WWP2: variants seen among roughly 807,000 people sequenced by gnomAD.
WWP2 encodes WW domain containing E3 ubiquitin protein ligase 2.
Under a neutral mutation model 121.0 loss-of-function variants are expected in WWP2, and 57 were observed. The ratio of observed to expected loss-of-function variants is 0.47; its 90% CI spans 0.38 to 0.59. WWP2 has a LOEUF of 0.59. Ranked by LOEUF, WWP2 falls within the 20% of genes least tolerant of loss-of-function variation. The probability of loss-of-function intolerance (pLI) is 0.00; values close to 1 mark genes in which losing one functional copy is unlikely to be tolerated. For synonymous variants in WWP2, 449 were observed against 441.3 expected (o/e 1.02, Z -0.22); for missense variants, 962 against 1,158.9 (o/e 0.83, Z 2.47).
chr16:69,797,687 G>C (rs1485253827), intron 2 of WWP2, among the ~76,000 whole-genome samples: 1 of 151,536 alleles, frequency 6.6e-6, no homozygotes, highest in Non-Finnish European at 1.5e-5. Context: ...TCAGGAGTTT[G>C]AGACCAGCCT....
rs1252715272 is a variant in WWP2, at chr16:69,930,274, A to G, written c.1445+16A>G. On this transcript the variant is annotated intron_variant, in intron 13 of 23. Transcript: ENST00000359154. ...TTGAGTCGGGGTAAGGACTTTGTGC[A>G]GGTAGCAGCAGTGTCAGGAGCCGAG... 1 of 1,611,828 alleles carries G rather than the reference A, an allele frequency of 6.2e-7. No individual in the cohort carries two copies. The highest frequency in any genetic ancestry group is 8.5e-7 in the Non-Finnish European group (1 of 1,178,866).
chr16:69,880,884 C>A (rs189053703), intron 7 of WWP2, among the ~76,000 whole-genome samples: 1 of 152,308 alleles, frequency 6.6e-6, no homozygotes, highest in Admixed American at 6.5e-5. Context: ...GAGTGTCCAC[C>A]ACGAGTCTGT....
At chr16:69,769,316 CAAAAAAAA>C (rs1186524809) in intron 1 of WWP2, among the ~76,000 whole-genome samples, 1 of 76,400 alleles carries the variant, frequency 1.3e-5, no homozygotes, top group Non-Finnish European at 2.6e-5. Flanking sequence ...GACTCCATCT[CAAAAAAAA>C]AAAAAAAAAA....
chr16:69,844,313 G>A (rs185287856), intron 6 of WWP2, among the ~76,000 whole-genome samples: 51 of 152,324 alleles, frequency 3.3e-4, no homozygotes, highest in African/African-American at 1.2e-3. Context: ...AGCTAGAACA[G>A]CGGTGGGCGA....
At chr16:69,860,722 A>C (rs1217795842) in intron 6 of WWP2, among the ~76,000 whole-genome samples, 1 of 151,936 alleles carries the variant, frequency 6.6e-6, no homozygotes, top group Non-Finnish European at 1.5e-5. Flanking sequence ...CTTAGAAATA[A>C]TGCTCTACCC....
chr16:69,835,559 C>T (rs1381363949), intron 4 of WWP2, among the ~76,000 whole-genome samples: 1 of 152,124 alleles, frequency 6.6e-6, no homozygotes, highest in Non-Finnish European at 1.5e-5. Context: ...TGCCATCCAC[C>T]TATTTCTGGC....
In WWP2 at chr16:69,937,302, C is replaced by A; in HGVS notation, c.2238+64C>A. On this transcript the variant is annotated intron_variant, in intron 20 of 23. Transcript: ENST00000359154. The surrounding 1 kb of genome is among the most constrained non-coding windows in gnomAD (Gnocchi z 6.6). Reference sequence around the variant, plus strand: ...TCTGGGGCGATCCTGCTCTGTGATACGCTCACTGTGTACCCACAGACACTC... The same window carrying A: ...TCTGGGGCGATCCTGCTCTGTGATAAGCTCACTGTGTACCCACAGACACTC... The A allele has an allele frequency of 6.3e-7, 1 of 1,592,044 alleles. No individual in the cohort carries two copies. The highest frequency in any genetic ancestry group is 8.6e-7 in the Non-Finnish European group (1 of 1,168,892).
At chr16:69,918,015 G>A in intron 10 of WWP2, 132 bp downstream of exon 10, 1 of 1,203,866 alleles carries the variant, frequency 8.3e-7, no homozygotes, top group Non-Finnish European at 1.1e-6. Context: ...CTCTGCCCCT[G>A]GAGATTTTAC....
At chr16:69,806,853 G>A (rs964691241) in intron 4 of WWP2, among the ~76,000 whole-genome samples, 1 of 151,476 alleles carries the variant, frequency 6.6e-6, no homozygotes, top group Non-Finnish European at 1.5e-5. Context: ...ACAACTTCTT[G>A]GATTTGTCAG....
intron 7 of WWP2, among the ~76,000 whole-genome samples, chr16:69,879,776 C>T (rs2057793279): frequency 6.6e-6 from 1 of 152,056 alleles, no homozygotes. Context: ...ACATGTCATG[C>T]CCATGCTAAT....
intron 7 of WWP2, among the ~76,000 whole-genome samples, chr16:69,887,815 G>A (rs2057951893): frequency 6.6e-6 from 1 of 152,190 alleles, no homozygotes; most frequent in African/African-American, 2.4e-5. Context: ...AAAAAAGGTA[G>A]TGTTAATATA....
intron 6 of WWP2, among the ~76,000 whole-genome samples, chr16:69,860,203 A>C (rs893137604): frequency 6.6e-6 from 1 of 152,094 alleles, no homozygotes; most frequent in Non-Finnish European, 1.5e-5. Flanking sequence ...CCATTCTTTA[A>C]AGGAGTCGGG....
chr16:69,825,005 A>AG (rs1187143968), intron 4 of WWP2, among the ~76,000 whole-genome samples: 1 of 151,904 alleles, frequency 6.6e-6, no homozygotes, highest in Non-Finnish European at 1.5e-5. Context: ...TCCTGAGCTC[A>AG]GGTGATCCAC....
chr16:69,884,244 T>C (rs1002323142), intron 7 of WWP2, among the ~76,000 whole-genome samples: 4 of 152,216 alleles, frequency 2.6e-5, no homozygotes, highest in African/African-American at 9.6e-5. Flanking sequence ...AATGTTCCCA[T>C]AGTATTTGAA....
At chr16:69,933,549 T>C (rs1597184378) in intron 16 of WWP2, among the ~76,000 whole-genome samples, 1 of 152,206 alleles carries the variant, frequency 6.6e-6, no homozygotes, top group East Asian at 1.9e-4. Context: ...GTAGTTACTA[T>C]TCAAACAGAA....
chr16:69,839,802 C>T (rs1046859697), intron 4 of WWP2, among the ~76,000 whole-genome samples: 1 of 152,130 alleles, frequency 6.6e-6, no homozygotes, highest in African/African-American at 2.4e-5. Flanking sequence ...TTCGTCTGTA[C>T]GCCATCAATA....
intron 4 of WWP2, among the ~76,000 whole-genome samples, chr16:69,803,780 C>T (rs751992065): frequency 1.4e-4 from 21 of 152,096 alleles, no homozygotes; most frequent in East Asian, 5.8e-4. Context: ...CAGTGGCGCA[C>T]GCCTGTAATC....
intron 7 of WWP2, among the ~76,000 whole-genome samples, chr16:69,880,804 C>T (rs2057814103): frequency 1.3e-5 from 2 of 152,266 alleles, no homozygotes; most frequent in South Asian, 2.1e-4. Flanking sequence ...AGCTGATCTT[C>T]AGTAGAAAGA....
chr16:69,923,159 G>A (rs1226235914), intron 10 of WWP2, among the ~76,000 whole-genome samples: 1 of 151,980 alleles, frequency 6.6e-6, no homozygotes, highest in Non-Finnish European at 1.5e-5. Flanking sequence ...CAAAGTGCTG[G>A]GATCACCAGC....
Sources: gnomAD v4.1 joint callset for allele counts (sites outside exome capture counted in the v4.1 genomes callset) on GRCh38, gnomAD v4.1.1 for gene constraint, Gnocchi (gnomAD v3.1) non-coding constraint, MANE v1.5 for transcripts, NCBI Gene and HGNC (gene_info 2026-07-23, HGNC 2026-07-21) for gene names.